The following SPNS3 variants were observed in gnomAD, a reference collection of about 807,000 sequenced individuals.
SPNS3 encodes SPNS lysolipid transporter 3, sphingosine-1-phosphate (putative).
SPNS3 carries 51 observed loss-of-function variants against 54.4 expected under a neutral mutation model. The observed-to-expected ratio is 0.94, with a 90% CI of 0.75 to 1.18. The LOEUF (loss-of-function observed/expected upper bound fraction) is 1.18, where lower values mean the gene tolerates loss of function less well. Among genes scored for constraint, SPNS3 ranks in the 50% most tolerant of loss-of-function variants. The pLI is 0.00. For missense variants in SPNS3, 669 were observed against 677.4 expected (o/e 0.99, Z 0.14); for synonymous variants, 309 against 294.7 (o/e 1.05, Z -0.50).
intron 8 of SPNS3, among the ~76,000 whole-genome samples, chr17:4,453,493 C>G (rs1015192499): frequency 6.6e-6 from 1 of 152,172 alleles, no homozygotes; most frequent in Non-Finnish European, 1.5e-5. Flanking sequence ...TGGCAGGCAC[C>G]TATAATCCCA....
Position 4,483,081 on chromosome 17 carries a change from C to G in SPNS3, c.1180-3147C>G, listed in dbSNP as rs1429388083. On this transcript the variant is annotated intron_variant, in intron 9 of 11. Coordinates refer to ENST00000355530, the MANE Select transcript of SPNS3 (RefSeq NM_182538.5). The surrounding 1 kb of genome is among the most constrained non-coding windows in gnomAD (Gnocchi z 4.2). ...CCCCTGCCCCAGGTCTCCATGCTTC[C>G]CTGCTCAGCCTCTGCCCCCCAGGTA... Among the ~76,000 whole-genome samples, 5 of 152,316 alleles carry G rather than the reference C, an allele frequency of 3.3e-5. No homozygotes were observed. Among genetic ancestry groups the G allele is most frequent in the Admixed American group, 1.3e-4 (2 of 15,310 alleles).
chr17:4,463,256 G>A (rs1306849926), intron 8 of SPNS3, among the ~76,000 whole-genome samples: 2 of 150,860 alleles, frequency 1.3e-5, no homozygotes, highest in Admixed American at 6.6e-5. Flanking sequence ...AAATTAGCCA[G>A]GCATGGTGGT....
intron 8 of SPNS3, among the ~76,000 whole-genome samples, chr17:4,468,892 G>C (rs1354203394): frequency 6.6e-6 from 1 of 151,386 alleles, no homozygotes; most frequent in East Asian, 1.9e-4. Flanking sequence ...GGGTTCAAGT[G>C]ATTCTCCTGC....
intron 9 of SPNS3, chr17:4,482,532 C>T (rs1345810200): frequency 6.6e-6 from 1 of 152,154 alleles, no homozygotes; most frequent in Non-Finnish European, 1.5e-5. Flanking sequence ...TTGACATACG[C>T]CTCCAATGGG....
chr17:4,435,747 AACTC>A (rs74266321), intron 1 of SPNS3, among the ~76,000 whole-genome samples: 19,736 of 151,960 alleles, frequency 0.13, 1,594 homozygotes, highest in Non-Finnish European at 0.19. Flanking sequence ...CTCATTCACT[AACTC>A]ACTCACTCAT....
At chr17:4,446,303 G>C in intron 4 of SPNS3, 104 bp downstream of exon 4, 3 of 1,296,048 alleles carry the variant, frequency 2.3e-6, no homozygotes, top group Middle Eastern at 1.9e-4. Flanking sequence ...CAGGAGGGCT[G>C]GGATTTGAGT....
At chr17:4,458,366 TCTCC>T (rs1971371694) in intron 8 of SPNS3, among the ~76,000 whole-genome samples, 1 of 131,224 alleles carries the variant, frequency 7.6e-6, no homozygotes, top group Non-Finnish European at 1.8e-5. Flanking sequence ...TCCCTCTCTC[TCTCC>T]CTCCCTCCCT....
intron 6 of SPNS3, among the ~76,000 whole-genome samples, chr17:4,448,980 G>T (rs1317803363): frequency 6.6e-6 from 1 of 152,164 alleles, no homozygotes; most frequent in Non-Finnish European, 1.5e-5. Flanking sequence ...TCTCAGAAAT[G>T]TTGGGGAGGC....
At position 4,474,145 on chromosome 17, in the gene SPNS3, C is replaced by T. The variant is rs201754494; in HGVS notation, c.1114-4427C>T. On this transcript the variant is annotated intron_variant, in intron 8 of 11. Transcript: ENST00000355530. ...CACCAGAAGAGCTCACAATCTCAGC[C>T]GAATTGTCTGGGAGGACGCAAAGGT... Among the ~76,000 whole-genome samples the T allele has an allele frequency of 2.0e-5, 3 of 152,206 alleles. No homozygotes were observed. The East Asian group carries it at 5.8e-4, about 29-fold the overall frequency.
At chr17:4,457,600 G>A (rs882890) in intron 8 of SPNS3, among the ~76,000 whole-genome samples, 43,794 of 152,146 alleles carry the variant, frequency 0.29, 7,871 homozygotes, top group South Asian at 0.42. Context: ...GGGAGGCTGG[G>A]GCCCAGGCAG....
chr17:4,448,083 C>A (rs1971045384), intron 5 of SPNS3, 72 bp from the exon 6 acceptor site: 7 of 1,428,120 alleles, frequency 4.9e-6, no homozygotes, highest in African/African-American at 2.9e-5. Flanking sequence ...ATACTGTGGC[C>A]AGTTGCCCCC....
chr17:4,480,414 A>G (rs1335948793), intron 9 of SPNS3, among the ~76,000 whole-genome samples: 1 of 152,304 alleles, frequency 6.6e-6, no homozygotes, highest in East Asian at 1.9e-4. Flanking sequence ...GGGATTGTCC[A>G]CTTTTAGGCT....
At chr17:4,452,561 C>T (rs1471810282) in intron 7 of SPNS3, among the ~76,000 whole-genome samples, 4 of 151,968 alleles carry the variant, frequency 2.6e-5, no homozygotes, top group Admixed American at 2.0e-4. Flanking sequence ...CCAGGTGTAT[C>T]ACAGGGGCTC....
At chr17:4,475,840 C>G (rs1208742451) in intron 8 of SPNS3, among the ~76,000 whole-genome samples, 1 of 152,150 alleles carries the variant, frequency 6.6e-6, no homozygotes, top group Non-Finnish European at 1.5e-5. Context: ...AGTTGTGGAG[C>G]CCGGGTTTGA....
At chr17:4,440,819 A>G (rs1302416239) in intron 2 of SPNS3, among the ~76,000 whole-genome samples, 2 of 152,212 alleles carry the variant, frequency 1.3e-5, no homozygotes, top group African/African-American at 4.8e-5. Flanking sequence ...GCCCCAGGCT[A>G]CAAGCGCAGG....
chr17:4,458,779 G>A lies in SPNS3; in HGVS notation c.1113+5574G>A, dbSNP rs550034322. Among the ~76,000 whole-genome samples, 112 of 151,156 alleles carry A rather than the reference G, an allele frequency of 7.4e-4. 1 individual carries two copies. The Middle Eastern group carries it at 0.014, about 18-fold the overall frequency. On this transcript the variant is annotated intron_variant, in intron 8 of 11. Coordinates refer to ENST00000355530, the MANE Select transcript of SPNS3 (RefSeq NM_182538.5). ...AGTGATCCTGCCCATGCTGCCTCCCGAGTAGCTGGAATTCAGGCATGTGTC... is the reference window on the plus strand; with the variant it reads ...AGTGATCCTGCCCATGCTGCCTCCCAAGTAGCTGGAATTCAGGCATGTGTC...
intron 8 of SPNS3, among the ~76,000 whole-genome samples, chr17:4,463,049 C>T (rs1971579744): frequency 6.6e-6 from 1 of 151,852 alleles, no homozygotes; most frequent in Non-Finnish European, 1.5e-5. Context: ...GGCATGTGTG[C>T]TGGTGTGTGC....
chr17:4,457,586 C>T (rs911579803), intron 8 of SPNS3, among the ~76,000 whole-genome samples: 1 of 152,154 alleles, frequency 6.6e-6, no homozygotes, highest in South Asian at 2.1e-4. Flanking sequence ...GGCCTGACCT[C>T]ACAGGGAGGC....
chr17:4,451,255 T>G (rs987005394), intron 7 of SPNS3, among the ~76,000 whole-genome samples: 1 of 104,352 alleles, frequency 9.6e-6, no homozygotes, highest in African/African-American at 2.9e-5. Flanking sequence ...TCTTTGTTTT[T>G]TTTTTTTTTC....
Sources: gnomAD v4.1 joint callset for allele counts (sites outside exome capture counted in the v4.1 genomes callset) on GRCh38, gnomAD v4.1.1 for gene constraint, Gnocchi (gnomAD v3.1) non-coding constraint, MANE v1.5 for transcripts, NCBI Gene and HGNC (gene_info 2026-07-23, HGNC 2026-07-21) for gene names.